The following ARHGAP28 variants were observed in gnomAD, a reference collection of about 807,000 sequenced individuals.
ARHGAP28 encodes Rho GTPase activating protein 28, also known as rho GTPase-activating protein 28.
In ARHGAP28, 56 loss-of-function variants were observed where a neutral mutation model predicts 90.7. The ratio of observed to expected loss-of-function variants is 0.62; its 90% CI spans 0.50 to 0.77. The LOEUF (loss-of-function observed/expected upper bound fraction) is 0.77. ARHGAP28 is among the 30% of genes least tolerant of loss of function. The pLI is 0.00. For synonymous variants in ARHGAP28, 308 were observed against 323.3 expected (o/e 0.95, Z 0.51); for missense variants, 869 against 900.9 (o/e 0.96, Z 0.45).
rs370087759 is a variant in ARHGAP28, at chr18:6,906,414, CTA to C, written c.2031-2543_2031-2542del. ...CTTTTTCTCATCCCACACTGAGACT[CTA>C]TACCCATTCTCCCTGCCTTTAGCCA... On this transcript the variant is annotated intron_variant, in intron 16 of 17. Coordinates refer to ENST00000383472, the MANE Select transcript of ARHGAP28 (RefSeq NM_001366230.1). 2.5e-3 allele frequency among the ~76,000 whole-genome samples: 382 copies of C among 152,322 alleles called. 3 individuals are homozygous for C. Among genetic ancestry groups the C allele is most frequent in the African/African-American group, 8.3e-3 (344 of 41,584 alleles).
chr18:6,833,141 G>A lies in ARHGAP28; in HGVS notation c.326-4056G>A, dbSNP rs77575609. Among the ~76,000 whole-genome samples the A allele has an allele frequency of 4.6e-5, 7 of 152,084 alleles. No homozygotes were observed. In the East Asian group the frequency reaches 1.3e-3, roughly 29 times the overall value. Reference sequence around the variant, plus strand: ...AACATATAGGGAAGTCACAAGTACAGTTTTAAAGACAGTTTCAGGGACCAT... The same window carrying A: ...AACATATAGGGAAGTCACAAGTACAATTTTAAAGACAGTTTCAGGGACCAT... On this transcript the variant is annotated intron_variant, in intron 2 of 17. Coordinates refer to ENST00000383472, the MANE Select transcript of ARHGAP28 (RefSeq NM_001366230.1).
intron 1 of ARHGAP28, among the ~76,000 whole-genome samples, chr18:6,816,640 G>A (rs750472087): frequency 6.6e-6 from 1 of 152,162 alleles, no homozygotes; most frequent in African/African-American, 2.4e-5. Flanking sequence ...CAAAACTCAT[G>A]GAATCTGTTC....
chr18:6,806,873 T>C (rs1326006813), intron 1 of ARHGAP28, among the ~76,000 whole-genome samples: 2 of 152,094 alleles, frequency 1.3e-5, no homozygotes, highest in Admixed American at 6.5e-5. Flanking sequence ...AAAGGATATT[T>C]TCATTGGGTT....
intron 3 of ARHGAP28, chr18:6,850,784 G>A (rs1268582283): frequency 4.6e-6 from 7 of 1,513,178 alleles, no homozygotes; most frequent in African/African-American, 1.4e-5. Flanking sequence ...AAGAAAGTGG[G>A]TTTTGGCAGG....
At chr18:6,865,064 A>G (rs1031386836) in intron 5 of ARHGAP28, among the ~76,000 whole-genome samples, 4 of 152,208 alleles carry the variant, frequency 2.6e-5, no homozygotes, top group Admixed American at 6.5e-5. Context: ...TCCTATTGCA[A>G]TAATTTATTC....
chr18:6,732,216 T>C (rs529535290), intron 1 of ARHGAP28, among the ~76,000 whole-genome samples: 93 of 152,072 alleles, frequency 6.1e-4, no homozygotes, highest in Admixed American at 3.5e-3. Flanking sequence ...AGTAGCCCAA[T>C]AAATATTTGT....
At position 6,824,828 on chromosome 18, in the gene ARHGAP28, C is replaced by G. The variant is rs2056650674; in HGVS notation, c.189C>G (p.Ala63=). ...MLSNESLHPP[A]FSRSNSEASV... is the part of the protein sequence containing the mutation. ...CCAATGAATCCCTCCATCCTCCTGC[C>G]TTCAGCCGTTCCAACTCAGAAGCCT... is the stretch of plus-strand genomic sequence containing the variant. The change falls in exon 2 of 18, where the codon GCC becomes GCG. Residue 63 remains alanine (A), a synonymous_variant. Coordinates refer to ENST00000383472, the MANE Select transcript of ARHGAP28 (RefSeq NM_001366230.1). 3 of 1,536,242 alleles carry G rather than the reference C, an allele frequency of 2.0e-6. No individual in the cohort carries two copies. Among genetic ancestry groups the G allele is most frequent in the African/African-American group, 2.7e-5 (2 of 73,028 alleles).
At chr18:6,771,049 A>C (rs551280701) in intron 1 of ARHGAP28, among the ~76,000 whole-genome samples, 2 of 151,602 alleles carry the variant, frequency 1.3e-5, no homozygotes, top group Non-Finnish European at 2.9e-5. Flanking sequence ...TTTTATTTTT[A>C]TTTTTGAGAC....
chr18:6,867,343 A>G (rs1165029969), intron 5 of ARHGAP28, among the ~76,000 whole-genome samples: 2 of 152,188 alleles, frequency 1.3e-5, no homozygotes, highest in African/African-American at 2.4e-5. Context: ...AAAACATTTT[A>G]TGTGTGAATA....
intron 1 of ARHGAP28, among the ~76,000 whole-genome samples, chr18:6,794,232 A>G (rs1423297554): frequency 2.0e-5 from 3 of 152,234 alleles, no homozygotes; most frequent in Non-Finnish European, 4.4e-5. Flanking sequence ...AAGTTTCATA[A>G]CAGACTACCA....
intron 1 of ARHGAP28, among the ~76,000 whole-genome samples, chr18:6,770,778 T>G (rs949580756): frequency 2.6e-5 from 4 of 151,310 alleles, no homozygotes; most frequent in Non-Finnish European, 5.9e-5. Flanking sequence ...AGGGAAGAGG[T>G]GTGGGAGGTG....
intron 9 of ARHGAP28, among the ~76,000 whole-genome samples, chr18:6,875,709 T>G (rs1209107410): frequency 3.9e-5 from 6 of 152,198 alleles, no homozygotes; most frequent in Non-Finnish European, 7.3e-5. Flanking sequence ...AACTCCTTGA[T>G]CAGACATCTA....
chr18:6,892,709 A>T (rs1414831311), intron 14 of ARHGAP28, among the ~76,000 whole-genome samples: 1 of 152,168 alleles, frequency 6.6e-6, no homozygotes, highest in East Asian at 1.9e-4. Flanking sequence ...CTGATTTTGT[A>T]AAGTCTGTAT....
intron 1 of ARHGAP28, among the ~76,000 whole-genome samples, chr18:6,746,595 G>T (rs2056025397): frequency 6.6e-6 from 1 of 152,188 alleles, no homozygotes; most frequent in African/African-American, 2.4e-5. Flanking sequence ...AAGGAACCTG[G>T]GGTTGCACCT....
At chr18:6,841,969 T>C (rs528163905) in intron 3 of ARHGAP28, among the ~76,000 whole-genome samples, 2 of 152,336 alleles carry the variant, frequency 1.3e-5, no homozygotes, top group South Asian at 2.1e-4. Context: ...TTGCACTGTT[T>C]GGATTGAACC....
chr18:6,840,502 T>C (rs993811849), intron 3 of ARHGAP28, among the ~76,000 whole-genome samples: 2 of 152,180 alleles, frequency 1.3e-5, no homozygotes, highest in Non-Finnish European at 2.9e-5. Context: ...AAGGGAAAGA[T>C]ATAGTGCTCA....
chr18:6,807,434 T>C (rs943594865), intron 1 of ARHGAP28, among the ~76,000 whole-genome samples: 3 of 152,192 alleles, frequency 2.0e-5, no homozygotes, highest in African/African-American at 7.2e-5. Flanking sequence ...GTTCTATAAA[T>C]ATTTTTGAGC....
At chr18:6,825,294 T>C (rs2056654211) in intron 2 of ARHGAP28, among the ~76,000 whole-genome samples, 1 of 152,196 alleles carries the variant, frequency 6.6e-6, no homozygotes, top group South Asian at 2.1e-4. Context: ...TTCTGACAGC[T>C]TTTACATTTG....
chr18:6,792,048 C>T (rs1357796489), intron 1 of ARHGAP28, among the ~76,000 whole-genome samples: 2 of 152,170 alleles, frequency 1.3e-5, no homozygotes, highest in African/African-American at 4.8e-5. Flanking sequence ...CCACCTGCCT[C>T]GGCCTCCCAA....
Sources: gnomAD v4.1 joint callset for allele counts (sites outside exome capture counted in the v4.1 genomes callset) on GRCh38, gnomAD v4.1.1 for gene constraint, MANE v1.5 for transcripts, NCBI Gene and HGNC (gene_info 2026-07-23, HGNC 2026-07-21) for gene names.